Variants in C10orf88 observed in about 807,000 individuals in gnomAD.
The protein encoded by C10orf88 is chromosome 10 open reading frame 88, also known as ATPase PAAT.
A neutral mutation model predicts 34.2 loss-of-function variants in C10orf88; 29 were observed. The ratio of observed to expected loss-of-function variants is 0.85; its 90% confidence interval spans 0.63 to 1.16. The LOEUF (loss-of-function observed/expected upper bound fraction) is 1.16, where lower values mean the gene tolerates loss of function less well. Ranked by LOEUF, C10orf88 falls within the 50% of genes most tolerant of loss-of-function variation. The pLI, the probability that C10orf88 is intolerant of heterozygous loss-of-function variation, is 0.00. For missense variants in C10orf88, 507 were observed against 533.2 expected (o/e 0.95, Z 0.48); for synonymous variants, 194 against 197.4 (o/e 0.98, Z 0.15).
chr10:122,948,910 A>C (rs1848665472), intron 3 of C10orf88, 55 bp from the exon 4 acceptor site: 1 of 1,466,748 alleles, frequency 6.8e-7, no homozygotes, highest in Admixed American at 1.8e-5. Flanking sequence ...ATAATCATTT[A>C]ATGTAACTTC....
intron 4 of C10orf88, among the ~76,000 whole-genome samples, chr10:122,938,997 C>A (rs905375610): frequency 6.6e-6 from 1 of 151,980 alleles, no homozygotes; most frequent in Admixed American, 6.6e-5. Flanking sequence ...GGGTTATCAT[C>A]CCACACTTAT....
At chr10:122,950,588 T>TA (rs556851218) in intron 3 of C10orf88, among the ~76,000 whole-genome samples, 44 of 152,320 alleles carry the variant, frequency 2.9e-4, no homozygotes, top group African/African-American at 1.0e-3. Flanking sequence ...ACCTCTCTAT[T>TA]ATCCCCCTTT....
chr10:122,948,775 T>C lies in C10orf88; in HGVS notation c.522A>G (p.Ser174=). 1.2e-6 allele frequency: 2 copies of C among 1,613,950 alleles called. No individual in the cohort carries two copies. Among genetic ancestry groups the C allele is most frequent in the Non-Finnish European group, 1.7e-6 (2 of 1,179,888 alleles). ...TTGATCCTAGAGCAGGAGAGCTTGT[T>C]GAAGAATTTGCAAAAACTGATCTCA... ...VHMRSVFANS[S]TSSPALGSRI... The change falls in exon 4 of 6, where the codon TCA becomes TCG. Residue 174 remains serine, a synonymous_variant. Transcript: ENST00000481909.
At position 122,931,624 on chromosome 10, in the gene C10orf88, A is replaced by G. The variant is rs116703465; in HGVS notation, c.*803T>C. 5.9e-5 allele frequency: 9 copies of G among 152,286 alleles called. No individual in the cohort carries two copies. Among genetic ancestry groups the G allele is most frequent in the African/African-American group, 2.2e-4 (9 of 41,548 alleles). The allele number at this position is 152,286 out of a possible 1,614,324, so 9.4% of individuals were successfully genotyped here. A position where few individuals can be genotyped will look rare whatever the true frequency, so the allele number is the denominator to read the frequency against. On this transcript the variant is annotated 3_prime_UTR_variant, in exon 6 of 6. Transcript: ENST00000481909. The stretch of plus-strand genomic sequence containing the variant: ...AGAGAGAATTGCAATCCCTTGACTC[A>G]TATGTGTTCATCCTTCCATGGAGAG...
chr10:122,952,126 AAG>A (rs1184464032), intron 2 of C10orf88, 100 bp from the exon 3 acceptor site: 1 of 666,256 alleles, frequency 1.5e-6, no homozygotes, highest in Non-Finnish European at 2.5e-6. Context: ...TTGAAATCCT[AAG>A]ATTCAGTTTT....
chr10:122,954,209 C>G lies in C10orf88; in HGVS notation c.-31G>C. ...CGCCTTCAGTCAGGCCAGCCCAGCC[C>G]CGGAACCTCTCTTCCAGTGCTTGAA... On this transcript the variant is annotated 5_prime_UTR_variant, in exon 1 of 6. Coordinates refer to ENST00000481909, the MANE Select transcript of C10orf88 (RefSeq NM_024942.4). 3 of 1,509,412 alleles carry G rather than the reference C, an allele frequency of 2.0e-6. No homozygotes were observed. Among genetic ancestry groups the G allele is most frequent in the Non-Finnish European group, 1.8e-6 (2 of 1,139,234 alleles). The allele number at this position is 1,509,412 out of a possible 1,614,324, so 93.5% of individuals were successfully genotyped here.
chr10:122,946,717 AC>A, intron 4 of C10orf88, among the ~76,000 whole-genome samples: 1 of 152,264 alleles, frequency 6.6e-6, no homozygotes, highest in African/African-American at 2.4e-5. Context: ...GGTACATGCT[AC>A]TTTACACTGG....
chr10:122,937,052 T>A (rs1848539897), intron 5 of C10orf88, among the ~76,000 whole-genome samples: 1 of 152,028 alleles, frequency 6.6e-6, no homozygotes, highest in African/African-American at 2.4e-5. Flanking sequence ...ATAAAATCTC[T>A]TAGGCTAAAG....
rs1411606599 is a variant in C10orf88, at chr10:122,937,815, C to A, written c.993G>T (p.Leu331Phe). 6.8e-6 allele frequency: 11 copies of A among 1,613,052 alleles called. No individual in the cohort carries two copies. The highest frequency in any genetic ancestry group is 1.3e-5 in the African/African-American group (1 of 74,858). ...SDNSNIPNSE[L>F]LPFLQNLCSQ... ...TACATAAATTCTGGAGAAAAGGCAG[C>A]AACTCGGAGTTGGGTATATTTGAGT... The change falls in exon 5 of 6, where the codon TTG becomes TTT. Residue 331 changes from leucine (L) to phenylalanine (F), a missense_variant. Physicochemically the swap from Leu to Phe is conservative, Grantham distance 22 (BLOSUM62 0). Transcript: ENST00000481909.
rs1033511131 is a variant in C10orf88, at chr10:122,938,042, G to A, written c.766C>T (p.Pro256Ser). ...LGTLNKSSSTPFPFRTGLTSG... is the reference protein window; with the variant it reads ...LGTLNKSSSTSFPFRTGLTSG... ...GTCAATCCAGTTCTAAAAGGAAAAG[G>A]TGTGGAGGACGACTTGTTTAAGGTT... Residue 256 changes from proline (P) to serine (S), a missense_variant, in exon 5 of 6, where the codon CCT (proline) becomes TCT (serine). Physicochemically the swap from Pro to Ser is moderately conservative, Grantham distance 74. Coordinates refer to ENST00000481909, the MANE Select transcript of C10orf88 (RefSeq NM_024942.4). 1.9e-6 allele frequency: 3 copies of A among 1,613,314 alleles called. No homozygotes were observed. The highest frequency in any genetic ancestry group is 1.7e-6 in the Non-Finnish European group (2 of 1,179,444).
intron 4 of C10orf88, among the ~76,000 whole-genome samples, chr10:122,941,980 G>A (rs1439947207): frequency 6.6e-6 from 1 of 151,662 alleles, no homozygotes; most frequent in Non-Finnish European, 1.5e-5. Context: ...AATGACAGCT[G>A]GAAAACATTT....
At chr10:122,940,763 A>G (rs1046542064) in intron 4 of C10orf88, among the ~76,000 whole-genome samples, 1 of 152,058 alleles carries the variant, frequency 6.6e-6, no homozygotes, top group African/African-American at 2.4e-5. Flanking sequence ...AAAATTTTGA[A>G]GAAACTTAAA....
At chr10:122,933,180 A>G (rs1275526764) in intron 5 of C10orf88, among the ~76,000 whole-genome samples, 3 of 152,188 alleles carry the variant, frequency 2.0e-5, no homozygotes, top group African/African-American at 7.2e-5. Context: ...CACAATGAAC[A>G]TTAGAACAGT....
At chr10:122,943,678 GA>G (rs1460739685) in intron 4 of C10orf88, among the ~76,000 whole-genome samples, 1 of 151,864 alleles carries the variant, frequency 6.6e-6, no homozygotes, top group African/African-American at 2.4e-5. Context: ...AAATTTACAA[GA>G]AAAAAACAAA....
intron 5 of C10orf88, 42 bp downstream of exon 5, chr10:122,937,663 A>C: frequency 6.8e-7 from 1 of 1,470,678 alleles, no homozygotes; most frequent in Non-Finnish European, 9.2e-7. Flanking sequence ...TGATTCTTCC[A>C]CCTACCAAAT....
At chr10:122,951,857 A>T in intron 3 of C10orf88, 97 bp downstream of exon 3, 1 of 763,854 alleles carries the variant, frequency 1.3e-6, no homozygotes, top group South Asian at 1.6e-5. Context: ...CAAGCAAGCA[A>T]GTTGGACTAA....
chr10:122,944,723 C>T (rs550095886), intron 4 of C10orf88, among the ~76,000 whole-genome samples: 4 of 152,064 alleles, frequency 2.6e-5, no homozygotes, highest in African/African-American at 7.2e-5. Flanking sequence ...AAATACACTG[C>T]CCTAAATAAA....
intron 5 of C10orf88, among the ~76,000 whole-genome samples, chr10:122,935,878 AT>A (rs1207393183): frequency 1.3e-5 from 2 of 151,516 alleles, no homozygotes; most frequent in Admixed American, 6.6e-5. Context: ...TTTTATAAGT[AT>A]TTTTTATAGA....
chr10:122,937,598 C>T, intron 5 of C10orf88, 107 bp downstream of exon 5: 1 of 986,068 alleles, frequency 1.0e-6, no homozygotes, highest in South Asian at 1.7e-5. Flanking sequence ...CTAAAATTTT[C>T]TCTGGAAACA....
Sources: allele counts gnomAD v4.1 joint callset (sites outside exome capture counted in the v4.1 genomes callset), GRCh38; gene constraint gnomAD v4.1.1; transcripts MANE v1.5; gene names NCBI Gene and HGNC (gene_info 2026-07-23, HGNC 2026-07-21).